The following ICA1L variants were observed in gnomAD, a reference collection of about 807,000 sequenced individuals.
The protein encoded by ICA1L is islet cell autoantigen 1-like protein.
ICA1L carries 50 observed loss-of-function variants against 61.3 expected under a neutral mutation model. The observed-to-expected ratio is 0.82, with a 90% CI of 0.65 to 1.03. ICA1L has a LOEUF of 1.03. Ranked by LOEUF, ICA1L falls within the 50% of genes least tolerant of loss-of-function variation. ICA1L has a pLI of 0.00. For synonymous variants in ICA1L, 161 were observed against 191.3 expected (o/e 0.84, Z 1.31); for missense variants, 508 against 556.7 (o/e 0.91, Z 0.88).
chr2:202,840,748 A>T (rs1020059902), intron 1 of ICA1L: 1 of 595,526 alleles, frequency 1.7e-6, no homozygotes, highest in African/African-American at 1.8e-5. Flanking sequence ...CATCCTTAAC[A>T]GCCAACTCCC....
intron 1 of ICA1L, chr2:202,840,435 T>C (rs1694292885): frequency 6.1e-6 from 3 of 492,894 alleles, no homozygotes; most frequent in South Asian, 1.5e-5. Context: ...CTGAAGGAGA[T>C]GGAGCCCATG....
At chr2:202,793,549 G>T (rs1208832151) in intron 10 of ICA1L, among the ~76,000 whole-genome samples, 1 of 146,084 alleles carries the variant, frequency 6.8e-6, no homozygotes, top group Non-Finnish European at 1.5e-5. Context: ...GTGGTGGCAG[G>T]TGCATGTAAT....
At chr2:202,841,166 C>A in intron 1 of ICA1L, 1 of 661,514 alleles carries the variant, frequency 1.5e-6, no homozygotes, top group South Asian at 1.5e-5. Context: ...CTACCTTGTT[C>A]ATATAAGCTT....
intron 1 of ICA1L, among the ~76,000 whole-genome samples, chr2:202,835,023 A>G (rs1224813430): frequency 6.6e-6 from 1 of 151,916 alleles, no homozygotes; most frequent in Non-Finnish European, 1.5e-5. Context: ...TGTAGTGACA[A>G]TGTCCCACTA....
At chr2:202,827,849 C>G (rs962665641) in intron 2 of ICA1L, among the ~76,000 whole-genome samples, 22 of 152,106 alleles carry the variant, frequency 1.4e-4, no homozygotes, top group African/African-American at 4.8e-4. Flanking sequence ...TTACTTTTTG[C>G]AGGATGAAAA....
intron 1 of ICA1L, chr2:202,841,520 A>T: frequency 1.4e-6 from 1 of 732,068 alleles, no homozygotes; most frequent in South Asian, 1.4e-5. Flanking sequence ...CACGGCCTGG[A>T]TGTTGGGTTC....
At chr2:202,847,695 T>TTG (rs1205116973) in intron 1 of ICA1L, among the ~76,000 whole-genome samples, 1 of 102,230 alleles carries the variant, frequency 9.8e-6, no homozygotes, top group Non-Finnish European at 2.0e-5. Context: ...TATATGGGAA[T>TTG]TATATATATA....
At chr2:202,814,253 A>G (rs1693466998) in intron 8 of ICA1L, among the ~76,000 whole-genome samples, 1 of 152,144 alleles carries the variant, frequency 6.6e-6, no homozygotes, top group Non-Finnish European at 1.5e-5. Flanking sequence ...CAGATCTCTC[A>G]TGAATGGTTT....
At chr2:202,837,490 C>G (rs1173696172) in intron 1 of ICA1L, among the ~76,000 whole-genome samples, 1 of 151,282 alleles carries the variant, frequency 6.6e-6, no homozygotes, top group East Asian at 2.0e-4. Flanking sequence ...TCACCGTGGT[C>G]TTGATCTCCT....
Position 202,847,703 on chromosome 2 carries a change from A to ATATATATATATATATATATATGTATG in ICA1L, c.-7-18688_-7-18687insCATACATATATATATATATATATATA, listed in dbSNP as rs11274512. On this transcript the variant is annotated intron_variant, in intron 1 of 12. Transcript: ENST00000358299. ...GAAATATTATATGGGAATTATATAT[A>ATATATATATATATATATATATGTATG]TATATAGTTAAGCAGTGAGAACAAA... Among the ~76,000 whole-genome samples, 6 of 131,234 alleles carry ATATATATATATATATATATATGTATG rather than the reference A, an allele frequency of 4.6e-5. No homozygotes were observed. In the East Asian group the frequency reaches 6.6e-4, roughly 14 times the overall value. The allele number at this position is 131,234 out of a possible 152,430, so 86.1% of individuals were successfully genotyped here. A position where few individuals can be genotyped will look rare whatever the true frequency, so the allele number is the denominator to read the frequency against.
intron 7 of ICA1L, 33 bp downstream of exon 7, chr2:202,815,878 C>A: frequency 1.6e-6 from 2 of 1,261,580 alleles, no homozygotes; most frequent in Non-Finnish European, 1.1e-6. Flanking sequence ...AAGAGTAATA[C>A]ATCTAAACAA....
chr2:202,802,173 G>A (rs1693102750), intron 9 of ICA1L, among the ~76,000 whole-genome samples: 1 of 152,130 alleles, frequency 6.6e-6, no homozygotes, highest in Admixed American at 6.5e-5. Context: ...TAGTTGTTGG[G>A]GAAAGAATCC....
chr2:202,869,718 TTA>T (rs1559154353), intron 1 of ICA1L: 1 of 152,168 alleles, frequency 6.6e-6, no homozygotes, highest in Non-Finnish European at 1.5e-5. Context: ...AAAAGGAATT[TTA>T]GTCTTTTTTT....
intron 1 of ICA1L, among the ~76,000 whole-genome samples, chr2:202,834,723 T>C (rs1694102006): frequency 6.6e-6 from 1 of 152,228 alleles, no homozygotes; most frequent in Admixed American, 6.5e-5. Context: ...ATCATTGATA[T>C]GTTTACTCAT....
Position 202,785,901 on chromosome 2 carries a change from A to G in ICA1L, c.1333+17T>C. On this transcript the variant is annotated intron_variant, in intron 12 of 12. Transcript: ENST00000358299. ...TTCTTAAAGCAATGATAAAGAATAT[A>G]TAAATAAATAACTTACATCTTGTTA... The G allele has an allele frequency of 7.5e-7, 1 of 1,339,772 alleles. No individual in the cohort carries two copies. The highest frequency in any genetic ancestry group is 1.2e-5 in the South Asian group (1 of 80,038). 83.0% of individuals were successfully genotyped at this position (1,339,772 alleles called of 1,614,324 possible). A position where few individuals can be genotyped will look rare whatever the true frequency, so the allele number is the denominator to read the frequency against.
intron 1 of ICA1L, among the ~76,000 whole-genome samples, chr2:202,862,328 C>A (rs2105890221): frequency 6.8e-6 from 1 of 146,492 alleles, no homozygotes; most frequent in Admixed American, 6.9e-5. Flanking sequence ...TGGCACACGC[C>A]TGTAGTGTAA....
At chr2:202,797,316 GA>G (rs1692962649) in intron 9 of ICA1L, among the ~76,000 whole-genome samples, 1 of 152,016 alleles carries the variant, frequency 6.6e-6, no homozygotes, top group Non-Finnish European at 1.5e-5. Context: ...TGTTCTGCCT[GA>G]TCTCCATGCC....
At chr2:202,841,082 C>A in intron 1 of ICA1L, 2 of 637,910 alleles carry the variant, frequency 3.1e-6, no homozygotes, top group Non-Finnish European at 5.9e-6. Context: ...ACTGCAGCTT[C>A]TGGATCTCCT....
At chr2:202,865,648 T>C (rs1389828536) in intron 1 of ICA1L, among the ~76,000 whole-genome samples, 1 of 152,148 alleles carries the variant, frequency 6.6e-6, no homozygotes, top group Non-Finnish European at 1.5e-5. Flanking sequence ...CATGATTATG[T>C]ATGCAAAAAA....
Sources: gnomAD v4.1 joint callset for allele counts (sites outside exome capture counted in the v4.1 genomes callset) on GRCh38, gnomAD v4.1.1 for gene constraint, MANE v1.5 for transcripts, NCBI Gene and HGNC (gene_info 2026-07-23, HGNC 2026-07-21) for gene names.